C10orf67: variants seen among roughly 807,000 people sequenced by gnomAD.
C10orf67 encodes uncharacterized protein C10orf67, mitochondrial.
C10orf67 carries 60 observed loss-of-function variants against 35.6 expected under a neutral mutation model. The observed-to-expected ratio is 1.68, with a 90% CI of 1.37 to 2.09. The LOEUF is 2.09. C10orf67 is among the 30% of genes most tolerant of loss of function. C10orf67 has a pLI of 0.00. For missense variants in C10orf67, 474 were observed against 330.2 expected (o/e 1.44, Z -3.38); for synonymous variants, 167 against 115.8 (o/e 1.44, Z -2.84).
chr10:23,252,728 T>TTTTTG lies in C10orf67; in HGVS notation c.1201-2042_1201-2038dup, dbSNP rs112259558. Among the ~76,000 whole-genome samples the TTTTTG allele has an allele frequency of 7.2e-3, 1,104 of 152,320 alleles. 7 individuals are homozygous for TTTTTG. Among genetic ancestry groups the TTTTTG allele is most frequent in the African/African-American group, 0.025 (1,029 of 41,572 alleles). ...AGGAACAATTTTGTGTGCTAGCCTT[T>TTTTTG]TTTTGTTTTGTTTTGTTTTGTTTGT... On this transcript the variant is annotated intron_variant, in intron 10 of 15. Coordinates refer to ENST00000636213, the MANE Select transcript of C10orf67 (RefSeq NM_001371909.1).
chr10:23,290,394 T>A (rs1189156610), intron 6 of C10orf67, among the ~76,000 whole-genome samples: 1 of 152,208 alleles, frequency 6.6e-6, no homozygotes, highest in Non-Finnish European at 1.5e-5. Context: ...ATATAATATA[T>A]CTCATTTTAC....
rs1409970868 is a variant in C10orf67, at chr10:23,203,719, A to C, written c.*454T>G. ...TGAATCTTGCTTGAGGAAATGTACG[A>C]TCTCCCTGTAGTCTTCATGACCTAC... On this transcript the variant is annotated 3_prime_UTR_variant, in exon 16 of 16. Transcript: ENST00000636213. 1 of 152,690 alleles carries C rather than the reference A, an allele frequency of 6.5e-6. No homozygotes were observed. Among genetic ancestry groups the C allele is most frequent in the African/African-American group, 2.4e-5 (1 of 41,468 alleles). The allele number at this position is 152,690 out of a possible 1,614,324, so 9.5% of individuals were successfully genotyped here.
chr10:23,305,668 A>G (rs917310769), intron 4 of C10orf67, among the ~76,000 whole-genome samples: 2 of 152,194 alleles, frequency 1.3e-5, no homozygotes, highest in South Asian at 2.1e-4. Flanking sequence ...TCAAAAAGAT[A>G]AGAGATAACA....
chr10:23,225,484 A>C (rs1308550460), intron 13 of C10orf67, among the ~76,000 whole-genome samples: 1 of 152,196 alleles, frequency 6.6e-6, no homozygotes, highest in African/African-American at 2.4e-5. Flanking sequence ...TAACCAGCTA[A>C]CATCATAATG....
chr10:23,328,246 A>G (rs2132366723), intron 2 of C10orf67, among the ~76,000 whole-genome samples: 1 of 152,284 alleles, frequency 6.6e-6, no homozygotes, highest in African/African-American at 2.4e-5. Flanking sequence ...TTCTTTACTG[A>G]TGGAACCATG....
At chr10:23,239,031 C>T (rs1052396322) in intron 13 of C10orf67, among the ~76,000 whole-genome samples, 1 of 151,546 alleles carries the variant, frequency 6.6e-6, no homozygotes, top group African/African-American at 2.4e-5. Context: ...GTATGCCTCT[C>T]GAAGCAAAAA....
chr10:23,236,418 GA>G (rs1842055450), intron 13 of C10orf67, among the ~76,000 whole-genome samples: 1 of 151,834 alleles, frequency 6.6e-6, no homozygotes, highest in Non-Finnish European at 1.5e-5. Flanking sequence ...GCAACAGAGT[GA>G]GACTCTGTCT....
At chr10:23,330,925 G>A (rs1845421033) in intron 2 of C10orf67, among the ~76,000 whole-genome samples, 1 of 148,374 alleles carries the variant, frequency 6.7e-6, no homozygotes, top group Non-Finnish European at 1.5e-5. Flanking sequence ...GAAGAAGTAA[G>A]AAAAGGAAGG....
intron 8 of C10orf67, 86 bp downstream of exon 8, chr10:23,281,926 CA>C: frequency 2.1e-6 from 1 of 481,460 alleles, no homozygotes; most frequent in Non-Finnish European, 3.8e-6. Flanking sequence ...TCACAGGAAA[CA>C]ATCACAAATA....
At chr10:23,289,313 G>C (rs573375061) in intron 7 of C10orf67, among the ~76,000 whole-genome samples, 19 of 152,170 alleles carry the variant, frequency 1.2e-4, no homozygotes, top group Non-Finnish European at 2.2e-4. Context: ...ACAGATATGT[G>C]CCACCACACT....
chr10:23,260,290 C>T (rs1172917762), intron 10 of C10orf67, among the ~76,000 whole-genome samples: 3 of 151,968 alleles, frequency 2.0e-5, no homozygotes, highest in Non-Finnish European at 2.9e-5. Flanking sequence ...GAATATATTT[C>T]GGAAAAATAC....
chr10:23,321,565 TTAAC>T (rs1334576721), intron 3 of C10orf67, among the ~76,000 whole-genome samples: 1 of 152,200 alleles, frequency 6.6e-6, no homozygotes, highest in African/African-American at 2.4e-5. Flanking sequence ...ATTGCTCCCT[TTAAC>T]TATCTGTCTG....
intron 7 of C10orf67, among the ~76,000 whole-genome samples, chr10:23,282,778 C>T (rs1236107017): frequency 6.6e-6 from 1 of 152,200 alleles, no homozygotes; most frequent in Non-Finnish European, 1.5e-5. Flanking sequence ...CTGCAATGAA[C>T]TATGGTCGCA....
At chr10:23,265,523 A>G (rs1842865108) in intron 10 of C10orf67, among the ~76,000 whole-genome samples, 1 of 152,240 alleles carries the variant, frequency 6.6e-6, no homozygotes, top group South Asian at 2.1e-4. Context: ...TGCCTTCTAA[A>G]AGGAGCCTTG....
intron 1 of C10orf67, among the ~76,000 whole-genome samples, chr10:23,339,767 T>C (rs1227534708): frequency 6.6e-6 from 1 of 152,242 alleles, no homozygotes; most frequent in East Asian, 1.9e-4. Context: ...CTTTCACTAG[T>C]TAAAAATCCT....
At chr10:23,260,739 G>A (rs1842725195) in intron 10 of C10orf67, among the ~76,000 whole-genome samples, 1 of 152,138 alleles carries the variant, frequency 6.6e-6, no homozygotes, top group East Asian at 1.9e-4. Flanking sequence ...CCTATGGATT[G>A]CAGTGGCTTC....
intron 13 of C10orf67, among the ~76,000 whole-genome samples, chr10:23,227,961 A>G (rs1274397096): frequency 6.6e-6 from 1 of 152,224 alleles, no homozygotes; most frequent in Non-Finnish European, 1.5e-5. Context: ...ATGGAAGAAC[A>G]TTCCATGCTC....
chr10:23,316,210 C>T (rs771293420), intron 4 of C10orf67, among the ~76,000 whole-genome samples: 30 of 152,240 alleles, frequency 2.0e-4, no homozygotes, highest in Non-Finnish European at 3.1e-4. Context: ...CACAGCTAGG[C>T]ATGCCAGCTG....
At chr10:23,235,334 T>G (rs1353096391) in intron 13 of C10orf67, among the ~76,000 whole-genome samples, 1 of 152,086 alleles carries the variant, frequency 6.6e-6, no homozygotes, top group African/African-American at 2.4e-5. Context: ...GTTGTCTTCA[T>G]TAAAATAAAA....
Sources: allele counts gnomAD v4.1 joint callset (sites outside exome capture counted in the v4.1 genomes callset), GRCh38; gene constraint gnomAD v4.1.1; transcripts MANE v1.5; gene names NCBI Gene and HGNC (gene_info 2026-07-23, HGNC 2026-07-21).